The following SUMF1 variants were observed in gnomAD, a reference collection of about 807,000 sequenced individuals.
The protein encoded by SUMF1 is sulfatase modifying factor 1.
A neutral mutation model predicts 47.6 loss-of-function variants in SUMF1; 48 were observed. The ratio of observed to expected loss-of-function variants is 1.01; its 90% CI spans 0.80 to 1.28. The LOEUF (loss-of-function observed/expected upper bound fraction) is 1.28. Among genes scored for constraint, SUMF1 ranks in the 50% most tolerant of loss-of-function variants. The pLI is 0.00. For synonymous variants in SUMF1, 230 were observed against 192.1 expected, an observed-to-expected ratio of 1.20 and a Z score of -1.63; for missense variants, 571 against 485.4, an observed-to-expected ratio of 1.18 and a Z score of -1.66.
At chr3:4,175,871 C>A (rs144772834) in intron 8 of SUMF1, among the ~76,000 whole-genome samples, 68 of 152,186 alleles carry the variant, frequency 4.5e-4, no homozygotes, top group African/African-American at 1.5e-3. Context: ...AAAACCATGG[C>A]ACGAGAACTT....
chr3:4,362,432 C>A (rs911252633), intron 8 of SUMF1, among the ~76,000 whole-genome samples, 178 bp from the exon 9 acceptor site: 1 of 152,180 alleles, frequency 6.6e-6, no homozygotes, highest in Non-Finnish European at 1.5e-5. Flanking sequence ...CACATATTTT[C>A]CAACGTCCTT....
At chr3:4,466,841 G>A (rs1575265676) in intron 1 of SUMF1, 135 bp downstream of exon 1, 4 of 1,341,280 alleles carry the variant, frequency 3.0e-6, no homozygotes, top group East Asian at 5.1e-5. Context: ...CTCCTCATAC[G>A]GGAACAGCAG....
Position 4,059,883 on chromosome 3 carries a change from G to C in SUMF1, c.1191+8686C>G, listed in dbSNP as rs995322520. Among the ~76,000 whole-genome samples the C allele has an allele frequency of 2.6e-5, 4 of 151,950 alleles. No individual in the cohort carries two copies. The East Asian group carries it at 5.8e-4, about 22-fold the overall frequency. ...GACAAGGGGTGATGTGCTGGATAAGGAGAATAAAAATATTCCTGGAACAGG... is the reference window on the plus strand; with the variant it reads ...GACAAGGGGTGATGTGCTGGATAAGCAGAATAAAAATATTCCTGGAACAGG... On this transcript the variant is annotated intron_variant and NMD_transcript_variant, in intron 9 of 12. Transcript: ENST00000448413.
At chr3:4,318,193 CAA>C (rs566619474) in intron 8 of SUMF1, among the ~76,000 whole-genome samples, 2 of 137,150 alleles carry the variant, frequency 1.5e-5, no homozygotes, top group African/African-American at 2.7e-5. Flanking sequence ...AATACAGAGG[CAA>C]AAAAAAAAAG....
In SUMF1 at chr3:4,101,241, T is replaced by C. The variant is rs184217403; in HGVS notation, c.1015-32496A>G. On this transcript the variant is annotated intron_variant and NMD_transcript_variant, in intron 8 of 12. Coordinates refer to the SUMF1 transcript ENST00000448413. The stretch of plus-strand genomic sequence containing the variant: ...CAAGAGTCAAGATATGAAAACAACC[T>C]GTGTCCATCAACGGATAAATGCATT... Among the ~76,000 whole-genome samples the C allele has an allele frequency of 1.0e-3, 155 of 152,252 alleles. 1 individual carries two copies. Among genetic ancestry groups the C allele is most frequent in the Middle Eastern group, 3.4e-3 (1 of 294 alleles).
At chr3:4,110,517 C>T (rs1441920453) in intron 8 of SUMF1, among the ~76,000 whole-genome samples, 1 of 152,078 alleles carries the variant, frequency 6.6e-6, no homozygotes, top group African/African-American at 2.4e-5. Context: ...GATTATAAAT[C>T]ATGCTGCTAT....
intron 9 of SUMF1, among the ~76,000 whole-genome samples, chr3:4,053,034 A>G (rs1695138992): frequency 6.6e-6 from 1 of 152,136 alleles, no homozygotes; most frequent in Non-Finnish European, 1.5e-5. Flanking sequence ...GGTCCATCTC[A>G]GCTTTTACAT....
At chr3:4,257,289 G>A (rs1175091161) in intron 8 of SUMF1, among the ~76,000 whole-genome samples, 2 of 139,614 alleles carry the variant, frequency 1.4e-5, no homozygotes, top group African/African-American at 2.8e-5. Flanking sequence ...GGAAATAAAG[G>A]GTATTCAATT....
At chr3:4,404,140 T>C (rs1256205692) in intron 7 of SUMF1, among the ~76,000 whole-genome samples, 2 of 152,220 alleles carry the variant, frequency 1.3e-5, no homozygotes, top group African/African-American at 4.8e-5. Flanking sequence ...TATTTCTCAA[T>C]AGTTCTATTT....
intron 8 of SUMF1, chr3:4,316,885 A>G (rs1201134488): frequency 6.5e-7 from 1 of 1,549,446 alleles, no homozygotes; most frequent in Non-Finnish European, 8.7e-7. Flanking sequence ...GAAATCGATG[A>G]GATGAACCAA....
rs2079701715 is a variant in SUMF1 at position 4,457,739 on chromosome 3, C to T, written c.271-4690G>A. Among the ~76,000 whole-genome samples, 3 of 152,280 alleles carry T rather than the reference C, an allele frequency of 2.0e-5. No individual in the cohort carries two copies. The South Asian group carries it at 6.2e-4, about 32-fold the overall frequency. ...ATCTCACAGCATATACAAAAATCAACTCAAACTGTATTAAAGACTTAAATG... is the reference window on the plus strand; with the variant it reads ...ATCTCACAGCATATACAAAAATCAATTCAAACTGTATTAAAGACTTAAATG... On this transcript the variant is annotated intron_variant, in intron 1 of 8. Transcript: ENST00000272902.
intron 8 of SUMF1, among the ~76,000 whole-genome samples, chr3:4,166,165 C>A (rs538150617): frequency 4.3e-4 from 65 of 152,196 alleles, no homozygotes; most frequent in African/African-American, 1.5e-3. Context: ...GATTTAGTGA[C>A]CCTTACTGAT....
At chr3:4,177,607 C>A (rs192415710) in intron 8 of SUMF1, among the ~76,000 whole-genome samples, 3 of 152,034 alleles carry the variant, frequency 2.0e-5, no homozygotes, top group African/African-American at 4.8e-5. Flanking sequence ...AAAATCAACA[C>A]CCTAATATCA....
chr3:4,418,054 C>T lies in SUMF1; in HGVS notation c.681G>A (p.Thr227=), dbSNP rs373658479. 2.6e-5 allele frequency: 42 copies of T among 1,613,910 alleles called. No homozygotes were observed. Among genetic ancestry groups the T allele is most frequent in the African/African-American group, 1.6e-4 (12 of 74,906 alleles). Residue 227 remains threonine, a synonymous_variant, in exon 5 of 9, where the codon ACG becomes ACA. Coordinates refer to ENST00000272902, the MANE Select transcript of SUMF1 (RefSeq NM_182760.4). ...GACAGCTGTATTCCCACTCAGCTTCCGTGGGCAGCCGCTTCCCTGCCCAAG... is the reference window on the plus strand; with the variant it reads ...GACAGCTGTATTCCCACTCAGCTTCTGTGGGCAGCCGCTTCCCTGCCCAAG... ...YCTWAGKRLP[T]EAEWEYSCRG... is the part of the protein sequence containing the mutation.
chr3:4,304,884 T>C (rs1698122718), intron 8 of SUMF1, among the ~76,000 whole-genome samples: 2 of 151,914 alleles, frequency 1.3e-5, no homozygotes, highest in African/African-American at 2.4e-5. Context: ...AGCCTGGTTT[T>C]ATACATGTTT....
At chr3:4,183,750 T>C (rs547283283) in intron 8 of SUMF1, among the ~76,000 whole-genome samples, 1 of 152,172 alleles carries the variant, frequency 6.6e-6, no homozygotes, top group Non-Finnish European at 1.5e-5. Flanking sequence ...TTCTTGGATA[T>C]GCAAAACCAA....
At chr3:4,253,769 G>C in intron 8 of SUMF1, among the ~76,000 whole-genome samples, 1 of 145,940 alleles carries the variant, frequency 6.9e-6, no homozygotes, top group Non-Finnish European at 1.5e-5. Flanking sequence ...CACAGCTCAA[G>C]GAGGCCTGCC....
rs150506615 is a variant in SUMF1 at position 4,242,923 on chromosome 3, A to G, written c.1014+133407T>C. Reference sequence around the variant, plus strand: ...TGGTCCTGGACTTTCTTTGGTTGGTAGGCTGTTAATTATTGCCTCAATTTC... The same window carrying G: ...TGGTCCTGGACTTTCTTTGGTTGGTGGGCTGTTAATTATTGCCTCAATTTC... On this transcript the variant is annotated intron_variant and NMD_transcript_variant, in intron 8 of 12. Transcript: ENST00000448413. Among the ~76,000 whole-genome samples the G allele has an allele frequency of 5.7e-3, 865 of 152,276 alleles. 8 individuals carry two copies. The highest frequency in any genetic ancestry group is 0.02 in the African/African-American group (824 of 41,550).
chr3:4,185,239 A>C (rs1250749814), intron 8 of SUMF1, among the ~76,000 whole-genome samples: 2 of 152,210 alleles, frequency 1.3e-5, no homozygotes, highest in Non-Finnish European at 2.9e-5. Flanking sequence ...GAGATGATTG[A>C]ACATCATATA....
Sources: allele counts gnomAD v4.1 joint callset (sites outside exome capture counted in the v4.1 genomes callset), GRCh38; gene constraint gnomAD v4.1.1; transcripts MANE v1.5; gene names NCBI Gene and HGNC (gene_info 2026-07-23, HGNC 2026-07-21).